The following MTCH2 variants were observed in gnomAD, a reference collection of about 807,000 sequenced individuals.
The protein encoded by MTCH2 is mitochondrial carrier 2.
MTCH2 carries 25 observed loss-of-function variants against 50.6 expected under a neutral mutation model. That is an observed-to-expected ratio of 0.49 (90% CI 0.36 to 0.69). The LOEUF (loss-of-function observed/expected upper bound fraction) is 0.69. MTCH2 is among the 30% of genes least tolerant of loss of function. The pLI is 0.00. For missense variants in MTCH2, 273 were observed against 384.4 expected, an observed-to-expected ratio of 0.71 and a Z score of 2.42; for synonymous variants, 106 against 132.0, an observed-to-expected ratio of 0.80 and a Z score of 1.35.
At chr11:47,611,151 G>A in the MTCH2 span, among the ~76,000 whole-genome samples, 1 of 152,214 alleles carries the variant, frequency 6.6e-6, no homozygotes, top group South Asian at 2.1e-4. Flanking sequence ...AAAGAGGACA[G>A]GGAGATTATA....
intron 1 of MTCH2, among the ~76,000 whole-genome samples, chr11:47,639,615 G>T (rs1381963751): frequency 6.6e-6 from 1 of 152,190 alleles, no homozygotes; most frequent in African/African-American, 2.4e-5. Flanking sequence ...GAGGGGGATG[G>T]ATCACCTGAG....
downstream of MTCH2, among the ~76,000 whole-genome samples, chr11:47,614,389 T>C (rs1431610125): frequency 6.6e-6 from 1 of 152,186 alleles, no homozygotes; most frequent in Non-Finnish European, 1.5e-5. Context: ...ACCAATCTGT[T>C]CTCCTGTCTT....
At chr11:47,623,153 T>C (rs904408779) in intron 11 of MTCH2, among the ~76,000 whole-genome samples, 8 of 151,896 alleles carry the variant, frequency 5.3e-5, no homozygotes, top group African/African-American at 1.9e-4. Flanking sequence ...GGTGGATCAT[T>C]TGAGGTCAGG....
At chr11:47,633,526 A>ATATATATATATATATATATT (rs1378774715) in intron 5 of MTCH2, among the ~76,000 whole-genome samples, 1 of 35,078 alleles carries the variant, frequency 2.9e-5, no homozygotes. Context: ...ATATATATAT[A>ATATATATATATATATATATT]TTTTTTTTTT....
chr11:47,621,481 G>A (rs1242188458), intron 12 of MTCH2, among the ~76,000 whole-genome samples: 2 of 151,152 alleles, frequency 1.3e-5, no homozygotes, highest in South Asian at 2.1e-4. Flanking sequence ...CACCCAGGCT[G>A]GAGTGCAGTG....
intron 12 of MTCH2, among the ~76,000 whole-genome samples, chr11:47,620,511 G>A (rs2097292347): frequency 6.6e-6 from 1 of 151,730 alleles, no homozygotes; most frequent in South Asian, 2.1e-4. Context: ...AAATTAACAG[G>A]ACATGGTGGA....
the MTCH2 span, among the ~76,000 whole-genome samples, chr11:47,607,342 A>C: frequency 6.6e-6 from 1 of 152,018 alleles, no homozygotes; most frequent in Non-Finnish European, 1.5e-5. Context: ...TTCTATTAAA[A>C]CTGTTTCTTT....
chr11:47,613,793 T>C (rs1193369628), downstream of MTCH2, among the ~76,000 whole-genome samples: 1 of 152,102 alleles, frequency 6.6e-6, no homozygotes, highest in Non-Finnish European at 1.5e-5. Context: ...ATGGCTTACA[T>C]AACATTTGGT....
At position 47,618,770 on chromosome 11, in the gene MTCH2, A is replaced by T; in HGVS notation, c.*63T>A. The stretch of plus-strand genomic sequence containing the variant: ...CGCGCCACACTGTATAGAAATCAAC[A>T]TTCTCTCCCATAATTCTGTGCATCT... On this transcript the variant is annotated 3_prime_UTR_variant, in exon 13 of 13. Coordinates refer to ENST00000302503, the MANE Select transcript of MTCH2 (RefSeq NM_014342.4). 4 of 1,487,092 alleles carry T rather than the reference A, an allele frequency of 2.7e-6. No individual in the cohort carries two copies. The highest frequency in any genetic ancestry group is 3.8e-6 in the Non-Finnish European group (4 of 1,064,804). 92.1% of individuals were successfully genotyped at this position (1,487,092 alleles called of 1,614,324 possible).
Position 47,632,915 on chromosome 11 carries a change from T to A in MTCH2, c.370-1204A>T, listed in dbSNP as rs139511467. ...TGGGATTTCGCCATGTTGGCCAAGC[T>A]GGTTTTGAATGCCTGACCTCGTGAT... On this transcript the variant is annotated intron_variant, in intron 5 of 12. Coordinates refer to ENST00000302503, the MANE Select transcript of MTCH2 (RefSeq NM_014342.4). Among the ~76,000 whole-genome samples, 168 of 151,272 alleles carry A rather than the reference T, an allele frequency of 1.1e-3. 1 individual carries two copies. The highest frequency in any genetic ancestry group is 4.0e-3 in the African/African-American group (164 of 41,204).
intron 3 of MTCH2, among the ~76,000 whole-genome samples, chr11:47,636,732 CA>C (rs1308833750): frequency 6.8e-6 from 1 of 147,336 alleles, no homozygotes; most frequent in Non-Finnish European, 1.5e-5. Flanking sequence ...AACTCTGTCT[CA>C]AAAAAAAACA....
Position 47,642,514 on chromosome 11 carries a change from C to T in MTCH2, c.-49G>A, listed in dbSNP as rs1345959577. 1 of 1,516,912 alleles carries T rather than the reference C, an allele frequency of 6.6e-7. No individual in the cohort carries two copies. The highest frequency in any genetic ancestry group is 2.5e-5 in the East Asian group (1 of 39,336). The allele number at this position is 1,516,912 out of a possible 1,614,324, so 94.0% of individuals were successfully genotyped here. ...CAGACAGACGGAGCCACCAAGCGAC[C>T]CGGTGAGCCGGTCCTAGGTCACGTG... On this transcript the variant is annotated 5_prime_UTR_variant, in exon 1 of 13. Coordinates refer to ENST00000302503, the MANE Select transcript of MTCH2 (RefSeq NM_014342.4).
intron 8 of MTCH2, among the ~76,000 whole-genome samples, chr11:47,629,637 T>C (rs566390691): frequency 1.3e-5 from 2 of 152,118 alleles, no homozygotes; most frequent in Non-Finnish European, 2.9e-5. Context: ...CAGATGAAAC[T>C]CTCAGAGCAT....
intron 12 of MTCH2, 105 bp downstream of exon 12, chr11:47,622,596 A>C: frequency 1.1e-6 from 1 of 877,478 alleles, no homozygotes; most frequent in South Asian, 1.7e-5. Flanking sequence ...CTCTAGCTAA[A>C]GTGAGCTACA....
At chr11:47,638,930 A>C in intron 2 of MTCH2, 37 bp downstream of exon 2, 1 of 1,591,674 alleles carries the variant, frequency 6.3e-7, no homozygotes, top group Middle Eastern at 1.7e-4. Context: ...CACAGTCCTC[A>C]ACGTCATGCA....
At position 47,639,038 on chromosome 11, in the gene MTCH2, G is replaced by C. The variant is rs1223208527; in HGVS notation, c.101C>G (p.Pro34Arg). ...ATTTCGTCCTATTGTTGGAGGAAGA[G>C]GCTCATATCCCACCTTTAAAAACAA... ...VKVLIQVGYE[P>R]LPPTIGRNIF... is the part of the protein sequence containing the mutation. Residue 34 changes from proline (P) to arginine (R), a missense_variant, in exon 2 of 13, where the codon CCT becomes CGT. Physicochemically the swap from Pro to Arg is moderately radical, Grantham distance 103 (BLOSUM62 -2). Around this residue, in one of 2 missense-constraint regions of MTCH2, gnomAD observed 203 missense variants for 244.3 expected, o/e 0.83. Coordinates refer to ENST00000302503, the MANE Select transcript of MTCH2 (RefSeq NM_014342.4). 1.2e-6 allele frequency: 2 copies of C among 1,611,942 alleles called. No homozygotes were observed. Among genetic ancestry groups the C allele is most frequent in the Non-Finnish European group, 1.7e-6 (2 of 1,178,708 alleles).
chr11:47,628,928 A>C (rs1414423176), intron 9 of MTCH2, 25 bp downstream of exon 9: 6 of 1,594,286 alleles, frequency 3.8e-6, no homozygotes, highest in Non-Finnish European at 5.2e-6. Context: ...CAAGGTGAGC[A>C]CATCTCACGA....
chr11:47,635,481 C>T, intron 4 of MTCH2, 64 bp downstream of exon 4: 1 of 1,560,586 alleles, frequency 6.4e-7, no homozygotes, highest in Non-Finnish European at 8.8e-7. Context: ...CCAAAAGAGG[C>T]CCCAAAAGCA....
downstream of MTCH2, among the ~76,000 whole-genome samples, chr11:47,613,929 C>A (rs909434601): frequency 6.6e-6 from 1 of 151,888 alleles, no homozygotes; most frequent in African/African-American, 2.4e-5. Context: ...ACTAAAAATA[C>A]AAAAAAATGA....
Sources: allele counts gnomAD v4.1 joint callset (sites outside exome capture counted in the v4.1 genomes callset), GRCh38; gene constraint gnomAD v4.1.1; regional missense constraint gnomAD v4.1.1; transcripts MANE v1.5; gene names NCBI Gene and HGNC (gene_info 2026-07-23, HGNC 2026-07-21).